Variants in RSRC1 observed in about 807,000 individuals in gnomAD.
The protein encoded by RSRC1 is serine/Arginine-related protein 53.
In RSRC1, 39 loss-of-function variants were observed where a neutral mutation model predicts 49.1. That is an observed-to-expected ratio of 0.79 (90% CI 0.61 to 1.04). RSRC1 has a LOEUF of 1.04. Among genes scored for constraint, RSRC1 ranks in the 50% least tolerant of loss-of-function variants. The pLI is 0.00. For missense variants in RSRC1, 388 were observed against 402.4 expected (o/e 0.96, Z 0.31); for synonymous variants, 143 against 130.8 (o/e 1.09, Z -0.63).
At chr3:158,492,231 C>T (rs1158418380) in intron 7 of RSRC1, among the ~76,000 whole-genome samples, 1 of 152,110 alleles carries the variant, frequency 6.6e-6, no homozygotes, top group Non-Finnish European at 1.5e-5. Context: ...CAGTTACCTC[C>T]CACCAGGTCC....
At chr3:158,508,681 A>G (rs574765357) in intron 7 of RSRC1, among the ~76,000 whole-genome samples, 35 of 152,326 alleles carry the variant, frequency 2.3e-4, no homozygotes, top group African/African-American at 7.2e-4. Flanking sequence ...ACCATCACAC[A>G]TGAACCATCT....
At chr3:158,519,271 G>A (rs974309542) in intron 7 of RSRC1, among the ~76,000 whole-genome samples, 1 of 152,030 alleles carries the variant, frequency 6.6e-6, no homozygotes, top group Non-Finnish European at 1.5e-5. Flanking sequence ...CCGGACTTCT[G>A]TAATAGCCTC....
At chr3:158,232,244 A>ATG (rs989428498) in intron 4 of RSRC1, among the ~76,000 whole-genome samples, 1 of 151,934 alleles carries the variant, frequency 6.6e-6, no homozygotes, top group African/African-American at 2.4e-5. Flanking sequence ...AAAAAGATAT[A>ATG]TATTTAAAAC....
chr3:158,125,739 C>T (rs1715580056), intron 3 of RSRC1, among the ~76,000 whole-genome samples: 1 of 152,080 alleles, frequency 6.6e-6, no homozygotes, highest in Non-Finnish European at 1.5e-5. Flanking sequence ...AGGTCTAATT[C>T]ATCTGTAGTG....
At chr3:158,361,531 C>T (rs750036720) in intron 6 of RSRC1, among the ~76,000 whole-genome samples, 8 of 152,182 alleles carry the variant, frequency 5.3e-5, no homozygotes, top group Non-Finnish European at 8.8e-5. Context: ...ACCACCCATG[C>T]CTCCCCCACT....
intron 5 of RSRC1, among the ~76,000 whole-genome samples, chr3:158,309,843 C>T (rs777378906): frequency 6.6e-6 from 1 of 151,648 alleles, no homozygotes; most frequent in Non-Finnish European, 1.5e-5. Context: ...ACCATCATGT[C>T]AGTTGTAGTC....
chr3:158,535,855 G>C (rs1210148281), intron 7 of RSRC1, among the ~76,000 whole-genome samples: 1 of 151,400 alleles, frequency 6.6e-6, no homozygotes, highest in Non-Finnish European at 1.5e-5. Context: ...TAAAGAGAAA[G>C]AATCAAACAT....
chr3:158,447,073 A>G (rs922550434), intron 6 of RSRC1, among the ~76,000 whole-genome samples: 12 of 152,080 alleles, frequency 7.9e-5, no homozygotes, highest in South Asian at 6.2e-4. Flanking sequence ...TGAATGTGGT[A>G]TATTAAAAGT....
intron 3 of RSRC1, among the ~76,000 whole-genome samples, chr3:158,157,728 CA>C (rs1717961573): frequency 6.6e-6 from 1 of 152,006 alleles, no homozygotes; most frequent in African/African-American, 2.4e-5. Flanking sequence ...CCAGCCTGAC[CA>C]ACATGGAGAA....
intron 3 of RSRC1, among the ~76,000 whole-genome samples, chr3:158,172,217 G>T (rs1718921327): frequency 6.6e-6 from 1 of 152,108 alleles, no homozygotes; most frequent in Non-Finnish European, 1.5e-5. Flanking sequence ...AAGAAACTCA[G>T]TGAATCCCAA....
At chr3:158,430,759 T>G (rs923687188) in intron 6 of RSRC1, among the ~76,000 whole-genome samples, 1 of 151,942 alleles carries the variant, frequency 6.6e-6, no homozygotes, top group South Asian at 2.1e-4. Flanking sequence ...CTATTATAAC[T>G]GTATTACCTA....
At chr3:158,127,794 A>G (rs1638537348) in intron 3 of RSRC1, among the ~76,000 whole-genome samples, 1 of 110,306 alleles carries the variant, frequency 9.1e-6, no homozygotes, top group South Asian at 2.7e-4. Context: ...TTTTTATGCA[A>G]TTTTAAAAAA....
At chr3:158,321,153 T>C (rs1452410530) in intron 5 of RSRC1, among the ~76,000 whole-genome samples, 6 of 152,008 alleles carry the variant, frequency 3.9e-5, no homozygotes, top group Non-Finnish European at 7.4e-5. Flanking sequence ...CACTTCTCCT[T>C]CTTCTGTGTC....
At chr3:158,456,488 G>A (rs147730892) in intron 6 of RSRC1, among the ~76,000 whole-genome samples, 48 of 152,118 alleles carry the variant, frequency 3.2e-4, no homozygotes, top group African/African-American at 1.1e-3. Context: ...ACTACTATGC[G>A]CCCAGCTCTC....
intron 7 of RSRC1, among the ~76,000 whole-genome samples, chr3:158,475,176 G>A (rs111720491): frequency 0.012 from 1,865 of 151,864 alleles, 35 homozygotes; most frequent in African/African-American, 0.043. Flanking sequence ...CTCCCACCTC[G>A]AACTCCCAAA....
At chr3:158,543,622 A>C in intron 9 of RSRC1, 135 bp downstream of exon 9, 2 of 882,916 alleles carry the variant, frequency 2.3e-6, no homozygotes, top group East Asian at 5.6e-5. Flanking sequence ...AAAAATAGGC[A>C]TCTGGCCCCC....
chr3:158,213,974 C>G (rs1173464295), intron 4 of RSRC1, among the ~76,000 whole-genome samples: 1 of 151,754 alleles, frequency 6.6e-6, no homozygotes, highest in Admixed American at 6.6e-5. Context: ...GGTTCCACAT[C>G]CATGGATTCA....
At chr3:158,288,447 T>C (rs1726707830) in intron 4 of RSRC1, among the ~76,000 whole-genome samples, 2 of 152,198 alleles carry the variant, frequency 1.3e-5, no homozygotes, top group South Asian at 4.1e-4. Context: ...TACTAAAATG[T>C]GTTGAGTTGC....
At chr3:158,164,323 CT>C (rs959735159) in intron 3 of RSRC1, among the ~76,000 whole-genome samples, 17 of 148,490 alleles carry the variant, frequency 1.1e-4, no homozygotes, top group Admixed American at 1.3e-4. Flanking sequence ...GATAACTGTT[CT>C]TTTTTTTTTA....
Sources: gnomAD v4.1 joint callset for allele counts (sites outside exome capture counted in the v4.1 genomes callset) on GRCh38, gnomAD v4.1.1 for gene constraint, MANE v1.5 for transcripts, NCBI Gene and HGNC (gene_info 2026-07-23, HGNC 2026-07-21) for gene names.